FGD6: variants seen among roughly 807,000 people sequenced by gnomAD.
FGD6 encodes FYVE, RhoGEF and PH domain-containing protein 6.
Under a neutral mutation model 149.4 loss-of-function variants are expected in FGD6, and 90 were observed. That is an observed-to-expected ratio of 0.60 (90% CI 0.51 to 0.72). The LOEUF is 0.72. FGD6 is among the 30% of genes least tolerant of loss of function. The pLI, the probability that FGD6 is intolerant of heterozygous loss-of-function variation, is 0.00. For synonymous variants in FGD6, 527 were observed against 584.0 expected, an observed-to-expected ratio of 0.90 and a Z score of 1.41; for missense variants, 1,437 against 1,684.8, an observed-to-expected ratio of 0.85 and a Z score of 2.57.
At chr12:95,202,967 T>C (rs2056670806) in intron 2 of FGD6, among the ~76,000 whole-genome samples, 1 of 152,188 alleles carries the variant, frequency 6.6e-6, no homozygotes, top group Admixed American at 6.6e-5. Context: ...ATCTTAACTG[T>C]GCTACGACAA....
chr12:95,084,669 G>A, intron 19 of FGD6, 23 bp from the exon 20 acceptor site: 1 of 1,544,186 alleles, frequency 6.5e-7, no homozygotes, highest in Non-Finnish European at 8.7e-7. Context: ...CATACAAATG[G>A]AGAAAAGTTT....
chr12:95,163,988 A>G (rs1418648686), intron 3 of FGD6, among the ~76,000 whole-genome samples: 2 of 152,238 alleles, frequency 1.3e-5, no homozygotes, highest in East Asian at 3.8e-4. Context: ...ACCCCATGGC[A>G]TCTCAACTTT....
intron 19 of FGD6, 67 bp downstream of exon 19, chr12:95,085,713 T>C (rs1242108302): frequency 6.7e-7 from 1 of 1,494,750 alleles, no homozygotes; most frequent in African/African-American, 1.4e-5. Flanking sequence ...ATTTTTAAAA[T>C]ATTGTAATTA....
At chr12:95,196,631 T>C (rs558937057) in intron 2 of FGD6, among the ~76,000 whole-genome samples, 2 of 151,590 alleles carry the variant, frequency 1.3e-5, no homozygotes, top group African/African-American at 2.4e-5. Context: ...TTAATAAACA[T>C]GCCAATTTTT....
At chr12:95,099,192 T>C (rs1163544423) in intron 14 of FGD6, among the ~76,000 whole-genome samples, 1 of 152,186 alleles carries the variant, frequency 6.6e-6, no homozygotes, top group Non-Finnish European at 1.5e-5. Context: ...CTTTTAATTT[T>C]TAATCCACTG....
intron 2 of FGD6, among the ~76,000 whole-genome samples, chr12:95,187,148 G>A (rs1881459705): frequency 1.3e-5 from 2 of 150,478 alleles, no homozygotes; most frequent in South Asian, 4.2e-4. Flanking sequence ...TGGCTAATAC[G>A]GTGAAACCCC....
intron 2 of FGD6, among the ~76,000 whole-genome samples, chr12:95,176,584 A>T (rs1198981033): frequency 2.6e-5 from 4 of 152,238 alleles, no homozygotes; most frequent in Non-Finnish European, 5.9e-5. Flanking sequence ...AAGTAAAGCC[A>T]GACTTAAATT....
Position 95,210,287 on chromosome 12 carries a change from T to C in FGD6, c.997A>G (p.Thr333Ala). The change falls in exon 2 of 21, where the codon ACT becomes GCT. Residue 333 changes from threonine to alanine, a missense_variant. Transcript: ENST00000343958. Reference protein sequence around the residue: ...ARLLRQKCVDTPSESTEEPGN... With the variant: ...ARLLRQKCVDAPSESTEEPGN... ...GGTTCTTCAGTGCTTTCACTAGGAGTATCTACACACTTTTGGCGTAACAGA... is the reference window on the plus strand; with the variant it reads ...GGTTCTTCAGTGCTTTCACTAGGAGCATCTACACACTTTTGGCGTAACAGA... The C allele has an allele frequency of 6.2e-7, 1 of 1,613,570 alleles. No homozygotes were observed. The highest frequency in any genetic ancestry group is 8.5e-7 in the Non-Finnish European group (1 of 1,179,858).
intron 8 of FGD6, among the ~76,000 whole-genome samples, chr12:95,120,578 C>T (rs1027021438): frequency 2.0e-5 from 3 of 151,676 alleles, no homozygotes; most frequent in Non-Finnish European, 4.4e-5. Context: ...CCCAGCTACT[C>T]GGGAGGCTGA....
chr12:95,166,029 G>A (rs1366033338), intron 3 of FGD6, among the ~76,000 whole-genome samples: 1 of 149,692 alleles, frequency 6.7e-6, no homozygotes, highest in Non-Finnish European at 1.5e-5. Context: ...CTGGAGTGCA[G>A]TGGCCTGAAT....
chr12:95,192,406 T>G (rs1036738789), intron 2 of FGD6, among the ~76,000 whole-genome samples: 5 of 152,240 alleles, frequency 3.3e-5, no homozygotes, highest in African/African-American at 1.2e-4. Context: ...GTTAGCTATT[T>G]TTATTATACC....
At chr12:95,083,030 T>TATATACACACACACACAC (rs772685891) in intron 20 of FGD6, among the ~76,000 whole-genome samples, 40 of 56,562 alleles carry the variant, frequency 7.1e-4, no homozygotes, top group African/African-American at 2.0e-3. Context: ...TATATATATA[T>TATATACACACACACACAC]ACACACACAT....
chr12:95,211,477 A>G (rs926430505), intron 1 of FGD6, among the ~76,000 whole-genome samples: 2 of 151,736 alleles, frequency 1.3e-5, no homozygotes, highest in Non-Finnish European at 2.9e-5. Flanking sequence ...ACATTTTTAA[A>G]TAAATCCAAT....
At chr12:95,095,829 C>A (rs1878215726) in intron 14 of FGD6, among the ~76,000 whole-genome samples, 1 of 152,042 alleles carries the variant, frequency 6.6e-6, no homozygotes, top group Non-Finnish European at 1.5e-5. Context: ...GCATGGCCAA[C>A]ATGGTGAAAC....
chr12:95,181,884 C>A (rs1181557269), intron 2 of FGD6, among the ~76,000 whole-genome samples: 1 of 149,630 alleles, frequency 6.7e-6, no homozygotes, highest in African/African-American at 2.5e-5. Flanking sequence ...GCAGAGCTTG[C>A]AGTGAGCTGA....
chr12:95,126,413 A>G, intron 8 of FGD6: 1 of 1,264,508 alleles, frequency 7.9e-7, no homozygotes. Context: ...TAAAAACAAT[A>G]AAGGTTCTTT....
intron 5 of FGD6, among the ~76,000 whole-genome samples, chr12:95,150,020 AC>A (rs1880255226): frequency 8.4e-6 from 1 of 118,472 alleles, no homozygotes; most frequent in African/African-American, 3.0e-5. Context: ...ACACACACAC[AC>A]ACACACACAC....
chr12:95,089,160 T>G (rs980106851), intron 18 of FGD6, among the ~76,000 whole-genome samples: 2 of 152,232 alleles, frequency 1.3e-5, no homozygotes. Flanking sequence ...AAAGACAACC[T>G]ACTATCAGTG....
rs370883441 is a variant in FGD6 at position 95,210,985 on chromosome 12, T to C, written c.299A>G (p.Asn100Ser). ...TGGTGAAATATAATCATTGCTCTGA[T>C]TGCCTTCATATTTACAATTAAAGTT... ...TDNFNCKYEG[N>S]QSNDYISPMC... The change falls in exon 2 of 21, where the codon AAT becomes AGT. Residue 100 changes from asparagine to serine, a missense_variant. Physicochemically the swap from Asn to Ser is conservative, Grantham distance 46. Around this residue, in one of 2 missense-constraint regions of FGD6, gnomAD observed 1,055 missense variants for 1,146.0 expected, o/e 0.92. Transcript: ENST00000343958. 1.7e-4 allele frequency: 279 copies of C among 1,614,152 alleles called. No homozygotes were observed. The highest frequency in any genetic ancestry group is 2.3e-4 in the Non-Finnish European group (272 of 1,180,050).
Sources: allele counts gnomAD v4.1 joint callset (sites outside exome capture counted in the v4.1 genomes callset), GRCh38; gene constraint gnomAD v4.1.1; regional missense constraint gnomAD v4.1.1; transcripts MANE v1.5; gene names NCBI Gene and HGNC (gene_info 2026-07-23, HGNC 2026-07-21).